SH3RF3: variants seen among roughly 807,000 people sequenced by gnomAD.
The protein encoded by SH3RF3 is SH3 domain containing ring finger 3.
Under a neutral mutation model 66.3 loss-of-function variants are expected in SH3RF3, and 29 were observed. The ratio of observed to expected loss-of-function variants is 0.44; its 90% CI spans 0.33 to 0.60. SH3RF3 has a LOEUF of 0.60. Ranked by LOEUF, SH3RF3 falls within the 20% of genes least tolerant of loss-of-function variation. SH3RF3 has a pLI of 0.04. For synonymous variants in SH3RF3, 583 were observed against 532.0 expected (o/e 1.10, Z -1.32); for missense variants, 1,194 against 1,190.9 (o/e 1.00, Z -0.04).
chr2:109,253,934 C>T (rs1165599241), intron 1 of SH3RF3, among the ~76,000 whole-genome samples: 1 of 152,090 alleles, frequency 6.6e-6, no homozygotes, highest in Non-Finnish European at 1.5e-5. Context: ...AATTCCCCTT[C>T]CACAGCTCTT....
Position 109,347,838 on chromosome 2 carries a change from C to G in SH3RF3, c.738C>G (p.Ser246Arg), listed in dbSNP as rs370737025. 7.4e-6 allele frequency: 12 copies of G among 1,613,948 alleles called. No homozygotes were observed. In the East Asian group the frequency reaches 1.1e-4, roughly 15 times the overall value. ...GCACACAGGGCTTCCTCCCAGCCAG[C>G]TATATCCAGTGCATCCAGCCCTTGC... ...LHGTQGFLPA[S>R]YIQCIQPLPH... Residue 246 changes from serine (S) to arginine (R), a missense_variant, in exon 2 of 10, where the codon AGC (serine) becomes AGG (arginine). Transcript: ENST00000309415.
chr2:109,392,747 C>A (rs532789736), intron 3 of SH3RF3, among the ~76,000 whole-genome samples: 3 of 152,008 alleles, frequency 2.0e-5, no homozygotes, highest in African/African-American at 4.8e-5. Flanking sequence ...GATCTCCTGA[C>A]CTTGTGATCC....
chr2:109,144,270 TA>T (rs1471744120), intron 1 of SH3RF3, among the ~76,000 whole-genome samples: 1 of 152,272 alleles, frequency 6.6e-6, no homozygotes, highest in African/African-American at 2.4e-5. Context: ...TATATCAAAT[TA>T]TCACTTGTAT....
At chr2:109,443,804 G>T (rs1236393497) in intron 7 of SH3RF3, among the ~76,000 whole-genome samples, 3 of 152,184 alleles carry the variant, frequency 2.0e-5, no homozygotes, top group Non-Finnish European at 4.4e-5. Flanking sequence ...TATGGTCAGA[G>T]ACTTTCATGT....
chr2:109,357,027 T>G (rs1029271597), intron 2 of SH3RF3, among the ~76,000 whole-genome samples: 1 of 152,182 alleles, frequency 6.6e-6, no homozygotes, highest in Non-Finnish European at 1.5e-5. Flanking sequence ...TGCTGCTGCT[T>G]GTCCATACTG....
chr2:109,139,396 CAT>C (rs1676885600), intron 1 of SH3RF3, among the ~76,000 whole-genome samples: 1 of 151,864 alleles, frequency 6.6e-6, no homozygotes, highest in African/African-American at 2.4e-5. Context: ...GTAGTCTAAA[CAT>C]GTGCAGTATG....
intron 8 of SH3RF3, among the ~76,000 whole-genome samples, chr2:109,459,129 G>A (rs970856203): frequency 6.6e-6 from 1 of 152,006 alleles, no homozygotes; most frequent in Non-Finnish European, 1.5e-5. Flanking sequence ...TTGATATCTT[G>A]TAACTTAAAT....
chr2:109,245,030 T>C (rs1220838402), intron 1 of SH3RF3, among the ~76,000 whole-genome samples: 2 of 152,134 alleles, frequency 1.3e-5, no homozygotes, highest in African/African-American at 4.8e-5. Flanking sequence ...GCGTCCCCTT[T>C]AAGTGTTTAG....
At chr2:109,183,134 T>C (rs909188441) in intron 1 of SH3RF3, among the ~76,000 whole-genome samples, 1 of 152,172 alleles carries the variant, frequency 6.6e-6, no homozygotes, top group Non-Finnish European at 1.5e-5. Flanking sequence ...TGTACAAAAC[T>C]GTCCAGCACT....
chr2:109,345,686 A>G (rs2105550533), intron 1 of SH3RF3, among the ~76,000 whole-genome samples: 1 of 152,368 alleles, frequency 6.6e-6, no homozygotes, highest in East Asian at 1.9e-4. Context: ...TACTCCCCTC[A>G]TGAAAATAAA....
chr2:109,467,326 T>C (rs759030766), intron 8 of SH3RF3, among the ~76,000 whole-genome samples: 2 of 152,216 alleles, frequency 1.3e-5, no homozygotes, highest in Non-Finnish European at 2.9e-5. Context: ...CAGCTGCTGA[T>C]ACACACAGCA....
intron 8 of SH3RF3, among the ~76,000 whole-genome samples, chr2:109,452,963 G>A (rs1329247195): frequency 2.6e-5 from 4 of 151,352 alleles, no homozygotes; most frequent in Non-Finnish European, 5.9e-5. Flanking sequence ...TGGTCCCTGG[G>A]AGGCTGGTCC....
intron 8 of SH3RF3, among the ~76,000 whole-genome samples, chr2:109,481,763 C>G (rs1260406630): frequency 6.6e-6 from 1 of 152,128 alleles, no homozygotes; most frequent in African/African-American, 2.4e-5. Flanking sequence ...AAATGTCACT[C>G]CTCGGCCTCC....
chr2:109,129,424 T>G lies in SH3RF3; in HGVS notation c.-117T>G. 6.8e-7 allele frequency: 1 copy of G among 1,468,858 alleles called. No individual in the cohort carries two copies. Among genetic ancestry groups the G allele is most frequent in the East Asian group, 2.8e-5 (1 of 36,092 alleles). 91.0% of individuals were successfully genotyped at this position (1,468,858 alleles called of 1,614,324 possible). A position where few individuals can be genotyped will look rare whatever the true frequency, so the allele number is the denominator to read the frequency against. The stretch of plus-strand genomic sequence containing the variant: ...CCTAGCATCGGGCCACCAGCCGGGG[T>G]GAAGAAAGTCACGGCGGAGCCCGGC... On this transcript the variant is annotated 5_prime_UTR_variant, in exon 1 of 10. Coordinates refer to ENST00000309415, the MANE Select transcript of SH3RF3 (RefSeq NM_001099289.3).
At position 109,337,397 on chromosome 2, in the gene SH3RF3, C is replaced by T. The variant is rs180958858; in HGVS notation, c.574-10277C>T. Among the ~76,000 whole-genome samples, 8 of 152,348 alleles carry T rather than the reference C, an allele frequency of 5.3e-5. No individual in the cohort carries two copies. In the East Asian group the frequency reaches 1.5e-3, roughly 29 times the overall value. On this transcript the variant is annotated intron_variant, in intron 1 of 9. Transcript: ENST00000309415. Reference sequence around the variant, plus strand: ...ACTTCTCTGCATCCAAGGCTAGGTCCTCCTGTGTGTGGTGTCCTTAGCGCC... The same window carrying T: ...ACTTCTCTGCATCCAAGGCTAGGTCTTCCTGTGTGTGGTGTCCTTAGCGCC...
At chr2:109,423,412 A>AAAAGGCCACC (rs1157039360) in intron 5 of SH3RF3, among the ~76,000 whole-genome samples, 2 of 152,192 alleles carry the variant, frequency 1.3e-5, no homozygotes, top group African/African-American at 2.4e-5. Context: ...GCGTGTGGTC[A>AAAAGGCCACC]AAAGGCCACC....
intron 1 of SH3RF3, among the ~76,000 whole-genome samples, chr2:109,242,620 T>C (rs977460607): frequency 2.0e-5 from 3 of 152,210 alleles, no homozygotes; most frequent in African/African-American, 7.2e-5. Context: ...GACTTTTCCT[T>C]ACTGGGCTGT....
intron 1 of SH3RF3, among the ~76,000 whole-genome samples, chr2:109,219,347 G>T (rs993775539): frequency 6.6e-6 from 1 of 152,138 alleles, no homozygotes; most frequent in Non-Finnish European, 1.5e-5. Flanking sequence ...CAAGTAAAAT[G>T]TTAAAAAATT....
intron 1 of SH3RF3, among the ~76,000 whole-genome samples, chr2:109,183,225 G>A (rs1244794643): frequency 1.3e-5 from 2 of 152,174 alleles, no homozygotes; most frequent in African/African-American, 4.8e-5. Context: ...CTTGTATACT[G>A]ATTCTCAAAA....
Sources: gnomAD v4.1 joint callset for allele counts (sites outside exome capture counted in the v4.1 genomes callset) on GRCh38, gnomAD v4.1.1 for gene constraint, MANE v1.5 for transcripts, NCBI Gene and HGNC (gene_info 2026-07-23, HGNC 2026-07-21) for gene names.